Variants in PDE4D observed in about 807,000 individuals in gnomAD.
The protein encoded by PDE4D is phosphodiesterase 4D.
In PDE4D, 24 loss-of-function variants were observed where a neutral mutation model predicts 87.4. The observed-to-expected ratio is 0.27, with a 90% CI of 0.20 to 0.39. PDE4D has a LOEUF of 0.39. Ranked by LOEUF, PDE4D falls within the 10% of genes least tolerant of loss-of-function variation. PDE4D has a pLI of 1.00. For missense variants in PDE4D, 714 were observed against 1,041.0 expected, an observed-to-expected ratio of 0.69 and a Z score of 4.32; for synonymous variants, 384 against 383.2, an observed-to-expected ratio of 1.00 and a Z score of -0.02.
intron 1 of PDE4D, among the ~76,000 whole-genome samples, chr5:59,373,260 A>G (rs1043939405): frequency 1.3e-5 from 2 of 152,202 alleles, no homozygotes; most frequent in Non-Finnish European, 2.9e-5. Flanking sequence ...TTGAAACCCA[A>G]CGGAAGGAAG....
chr5:59,127,492 G>A (rs1188450288), intron 5 of PDE4D, among the ~76,000 whole-genome samples: 1 of 151,712 alleles, frequency 6.6e-6, no homozygotes, highest in Non-Finnish European at 1.5e-5. Flanking sequence ...GTGAGTGAGC[G>A]GGCGTGTGCA....
intron 1 of PDE4D, among the ~76,000 whole-genome samples, chr5:59,462,922 C>A (rs550810378): frequency 3.3e-5 from 5 of 151,558 alleles, no homozygotes; most frequent in Non-Finnish European, 5.9e-5. Context: ...AAACTGCAGA[C>A]AAATTTTTCT....
chr5:60,351,701 A>C (rs1759207251), intron 1 of PDE4D, among the ~76,000 whole-genome samples: 1 of 152,176 alleles, frequency 6.6e-6, no homozygotes, highest in African/African-American at 2.4e-5. Flanking sequence ...GAAAGGAATC[A>C]GTATTATTAT....
intron 2 of PDE4D, among the ~76,000 whole-genome samples, chr5:60,112,068 C>A (rs1288307819): frequency 6.6e-6 from 1 of 151,678 alleles, no homozygotes; most frequent in Non-Finnish European, 1.5e-5. Flanking sequence ...AATTCCTGAC[C>A]CTAAAGTTGG....
intron 1 of PDE4D, among the ~76,000 whole-genome samples, chr5:59,794,653 C>A (rs755992119): frequency 3.9e-5 from 6 of 152,094 alleles, no homozygotes; most frequent in Non-Finnish European, 7.4e-5. Flanking sequence ...AAATAGCATG[C>A]TTCACAGTAA....
At chr5:60,014,775 A>C (rs1451026769) in intron 2 of PDE4D, among the ~76,000 whole-genome samples, 2 of 152,208 alleles carry the variant, frequency 1.3e-5, no homozygotes, top group Admixed American at 6.5e-5. Context: ...AAATGAAAAG[A>C]AGATTTTAGG....
chr5:59,646,276 G>C (rs1227829866), intron 1 of PDE4D, among the ~76,000 whole-genome samples: 1 of 152,082 alleles, frequency 6.6e-6, no homozygotes, highest in Admixed American at 6.6e-5. Flanking sequence ...CCCACTCCTT[G>C]TCAACTACCA....
At chr5:60,453,703 C>T (rs1305232853) in intron 1 of PDE4D, among the ~76,000 whole-genome samples, 1 of 151,894 alleles carries the variant, frequency 6.6e-6, no homozygotes, top group Non-Finnish European at 1.5e-5. Context: ...TCCATAGCTC[C>T]TCCTTTTCTG....
intron 1 of PDE4D, among the ~76,000 whole-genome samples, chr5:59,758,533 T>G (rs1761569237): frequency 6.6e-6 from 1 of 152,206 alleles, no homozygotes; most frequent in Admixed American, 6.5e-5. Context: ...CTGTTTTGCT[T>G]ATTTACAGTA....
At chr5:60,121,171 CTA>C (rs151276300) in intron 2 of PDE4D, among the ~76,000 whole-genome samples, 3 of 150,528 alleles carry the variant, frequency 2.0e-5, no homozygotes, top group Non-Finnish European at 4.4e-5. Context: ...TGAGTTAATA[CTA>C]TATATATATA....
At chr5:60,388,445 G>A (rs1450018662) in intron 1 of PDE4D, among the ~76,000 whole-genome samples, 1 of 151,844 alleles carries the variant, frequency 6.6e-6, no homozygotes, top group Non-Finnish European at 1.5e-5. Flanking sequence ...TGTTACACAG[G>A]TATACATGTG....
At chr5:60,435,209 T>G (rs1395615886) in intron 1 of PDE4D, among the ~76,000 whole-genome samples, 3 of 152,208 alleles carry the variant, frequency 2.0e-5, no homozygotes, top group African/African-American at 7.2e-5. Context: ...ACTAGAACAA[T>G]GTGTTATGCA....
intron 1 of PDE4D, among the ~76,000 whole-genome samples, chr5:59,321,609 T>C (rs922354171): frequency 6.6e-6 from 1 of 152,086 alleles, no homozygotes; most frequent in Non-Finnish European, 1.5e-5. Context: ...GGCTCTGAAA[T>C]GTCTATGAGA....
At chr5:59,414,328 GC>G (rs1323273751) in intron 1 of PDE4D, among the ~76,000 whole-genome samples, 1 of 152,202 alleles carries the variant, frequency 6.6e-6, no homozygotes, top group Non-Finnish European at 1.5e-5. Flanking sequence ...CTTCCATCAG[GC>G]CACCCAATCC....
rs1284344014 is a variant in PDE4D, at chr5:59,268,282, TA to T, written c.456-52315del. ...ACTTACAATATTGCCCCTGTCATGC[TA>T]AAAAACTGCATCCATAGGTTCTGGC... On this transcript the variant is annotated intron_variant, in intron 1 of 14. Coordinates refer to ENST00000340635, the MANE Select transcript of PDE4D (RefSeq NM_001104631.2). 5.3e-5 allele frequency among the ~76,000 whole-genome samples: 8 copies of T among 152,200 alleles called. No homozygotes were observed. In the East Asian group the frequency reaches 1.5e-3, roughly 29 times the overall value.
intron 1 of PDE4D, among the ~76,000 whole-genome samples, chr5:59,724,610 A>T (rs949084941): frequency 2.6e-5 from 4 of 152,124 alleles, no homozygotes; most frequent in African/African-American, 9.6e-5. Flanking sequence ...TGAAGTCACG[A>T]TGCCAGTAAA....
intron 1 of PDE4D, among the ~76,000 whole-genome samples, chr5:59,358,523 T>G (rs1402976131): frequency 6.6e-6 from 1 of 152,194 alleles, no homozygotes; most frequent in Non-Finnish European, 1.5e-5. Flanking sequence ...ACCATTATCA[T>G]TTAATTCTTT....
rs573866523 is a variant in PDE4D, at chr5:59,161,866, A to G, written c.808+18729T>C. ...AGTTTTCTCTTGGTCTTCTTTTCAG[A>G]GGTGCGGTTTGATGATTACGCACAA... On this transcript the variant is annotated intron_variant, in intron 5 of 14. Transcript: ENST00000340635. Among the ~76,000 whole-genome samples the G allele has an allele frequency of 1.1e-4, 16 of 152,296 alleles. 1 individual carries two copies. In the South Asian group the frequency reaches 3.3e-3, roughly 32 times the overall value.
At chr5:59,134,838 T>C (rs1011637799) in intron 5 of PDE4D, among the ~76,000 whole-genome samples, 8 of 152,192 alleles carry the variant, frequency 5.3e-5, no homozygotes, top group African/African-American at 1.9e-4. Context: ...ATACTTTTCC[T>C]CATGGCTCCA....
Sources: gnomAD v4.1 joint callset for allele counts (sites outside exome capture counted in the v4.1 genomes callset) on GRCh38, gnomAD v4.1.1 for gene constraint, MANE v1.5 for transcripts, NCBI Gene and HGNC (gene_info 2026-07-23, HGNC 2026-07-21) for gene names.